Variants in RASA2 observed in about 807,000 individuals in gnomAD.
RASA2 encodes RAS p21 protein activator 2, also known as ras GTPase-activating protein 2.
Under a neutral mutation model 118.2 loss-of-function variants are expected in RASA2, and 155 were observed. The ratio of observed to expected loss-of-function variants is 1.31; its 90% CI spans 1.15 to 1.50. The LOEUF is 1.50. Among genes scored for constraint, RASA2 ranks in the 40% most tolerant of loss-of-function variants. The pLI is 0.00. For synonymous variants in RASA2, 353 were observed against 349.1 expected (o/e 1.01, Z -0.12); for missense variants, 1,016 against 1,009.6 (o/e 1.01, Z -0.09).
intron 15 of RASA2, among the ~76,000 whole-genome samples, chr3:141,579,911 C>T (rs141731513): frequency 0.011 from 1,694 of 151,072 alleles, 35 homozygotes; most frequent in African/African-American, 0.039. Flanking sequence ...CAAAAATTAG[C>T]CAGGTGTGGT....
chr3:141,518,482 CAAAAAAAAAAAAAAAAAAAAAAA>C (rs777543417), intron 3 of RASA2, among the ~76,000 whole-genome samples: 8 of 27,032 alleles, frequency 3.0e-4, no homozygotes, highest in African/African-American at 4.0e-4. Flanking sequence ...GACACCATCT[CAAAAAAAAAAAAAAAAAAAAAAA>C]AAAAAAAAAA....
chr3:141,611,900 C>G (rs1240584868), intron 23 of RASA2, among the ~76,000 whole-genome samples: 1 of 152,040 alleles, frequency 6.6e-6, no homozygotes, highest in African/African-American at 2.4e-5. Flanking sequence ...TATGAGATCC[C>G]AGACATTCTT....
intron 5 of RASA2, among the ~76,000 whole-genome samples, chr3:141,550,314 A>G (rs1402963854): frequency 6.6e-6 from 1 of 152,260 alleles, no homozygotes; most frequent in African/African-American, 2.4e-5. Context: ...CCTAATCATG[A>G]GTAAACATCA....
chr3:141,499,678 C>T (rs1276458821), intron 1 of RASA2, among the ~76,000 whole-genome samples: 6 of 152,176 alleles, frequency 3.9e-5, no homozygotes, highest in African/African-American at 1.2e-4. Flanking sequence ...CAGCTCACTG[C>T]AACCTCCACC....
At chr3:141,530,569 A>C (rs2082245625) in intron 4 of RASA2, among the ~76,000 whole-genome samples, 2 of 152,084 alleles carry the variant, frequency 1.3e-5, no homozygotes, top group Admixed American at 6.6e-5. Flanking sequence ...AAGAAGTTTT[A>C]ATTTGCCACT....
intron 1 of RASA2, among the ~76,000 whole-genome samples, chr3:141,497,971 A>G (rs975229940): frequency 1.3e-5 from 2 of 152,146 alleles, no homozygotes; most frequent in African/African-American, 2.4e-5. Context: ...ATTTTAATAC[A>G]TTGTTTCAGA....
chr3:141,592,532 A>G (rs1231077167), intron 19 of RASA2, among the ~76,000 whole-genome samples: 1 of 152,248 alleles, frequency 6.6e-6, no homozygotes, highest in Non-Finnish European at 1.5e-5. Flanking sequence ...TTATGTCTTA[A>G]TAGGGTAACT....
chr3:141,592,723 C>T (rs1170433431), intron 19 of RASA2, among the ~76,000 whole-genome samples: 2 of 151,610 alleles, frequency 1.3e-5, no homozygotes, highest in African/African-American at 4.9e-5. Context: ...GAGTTAGATA[C>T]TGGGAGTGAG....
At chr3:141,586,175 A>T (rs1166156820) in intron 18 of RASA2, 77 bp downstream of exon 18, 1 of 1,335,436 alleles carries the variant, frequency 7.5e-7, no homozygotes, top group Non-Finnish European at 1.0e-6. Context: ...TGGGTCTAAG[A>T]GTGAGGAGAT....
chr3:141,609,875 A>G lies in RASA2; in HGVS notation c.2330-2A>G, dbSNP rs1261985519. 8.4e-6 allele frequency: 13 copies of G among 1,550,044 alleles called. No individual in the cohort carries two copies. In the Admixed American group the frequency reaches 2.6e-4, roughly 31 times the overall value. Reference sequence around the variant, plus strand: ...AGAGATTTATTTTCCTGCTCTTTGTAGAGGCTTGTGGAACTATTGCAGTCT... The same window carrying G: ...AGAGATTTATTTTCCTGCTCTTTGTGGAGGCTTGTGGAACTATTGCAGTCT... On this transcript the variant is annotated splice_acceptor_variant, in intron 22 of 23. Transcript: ENST00000286364. LOFTEE classifies it high-confidence loss of function.
At chr3:141,513,995 A>G (rs1328433936) in intron 2 of RASA2, among the ~76,000 whole-genome samples, 1 of 152,198 alleles carries the variant, frequency 6.6e-6, no homozygotes, top group African/African-American at 2.4e-5. Flanking sequence ...AAGCTTTGCA[A>G]CATGAGGATG....
intron 5 of RASA2, among the ~76,000 whole-genome samples, chr3:141,541,588 A>T (rs974153871): frequency 6.6e-6 from 1 of 152,118 alleles, no homozygotes; most frequent in African/African-American, 2.4e-5. Context: ...AATACTTTTT[A>T]AAAATCTATA....
chr3:141,516,876 G>A (rs1038570779), intron 3 of RASA2, among the ~76,000 whole-genome samples: 8 of 151,818 alleles, frequency 5.3e-5, no homozygotes, highest in African/African-American at 1.9e-4. Flanking sequence ...CAGGTTAAGC[G>A]ATTTCTCCTG....
chr3:141,600,016 G>T (rs1011265399), intron 19 of RASA2, among the ~76,000 whole-genome samples: 1 of 152,146 alleles, frequency 6.6e-6, no homozygotes, highest in South Asian at 2.1e-4. Flanking sequence ...TAAGTGTGTG[G>T]AAGTTACTTA....
chr3:141,490,394 C>G (rs1352881664), intron 1 of RASA2, among the ~76,000 whole-genome samples: 1 of 150,320 alleles, frequency 6.7e-6, no homozygotes, highest in Admixed American at 6.6e-5. Flanking sequence ...GGGGCTTCCT[C>G]CTTTATGTAT....
rs1381868552 is a variant in RASA2 at position 141,529,779 on chromosome 3, G to A, written c.427G>A (p.Val143Ile). 2.5e-6 allele frequency: 4 copies of A among 1,609,648 alleles called. No homozygotes were observed. Among genetic ancestry groups the A allele is most frequent in the Non-Finnish European group, 3.4e-6 (4 of 1,176,478 alleles). Reference sequence around the variant, plus strand: ...AGAAACTTGGTTTTCATTACAGCCTGTTGACTCCAATTCAGAGGTTCAGGT... The same window carrying A: ...AGAAACTTGGTTTTCATTACAGCCTATTGACTCCAATTCAGAGGTTCAGGT... ...GKETWFSLQP[V>I]DSNSEVQGKV... The change falls in exon 4 of 24, where the codon GTT becomes ATT. Residue 143 changes from valine to isoleucine, a missense_variant. Transcript: ENST00000286364.
At chr3:141,491,756 TTAC>T (rs2081642032) in intron 1 of RASA2, among the ~76,000 whole-genome samples, 1 of 152,226 alleles carries the variant, frequency 6.6e-6, no homozygotes, top group African/African-American at 2.4e-5. Flanking sequence ...AATGCTCTGA[TTAC>T]TTATTATTAG....
At chr3:141,495,239 T>C (rs1005256280) in intron 1 of RASA2, among the ~76,000 whole-genome samples, 1 of 152,202 alleles carries the variant, frequency 6.6e-6, no homozygotes, top group African/African-American at 2.4e-5. Context: ...AGATACACAA[T>C]AGCTAAGCTA....
At chr3:141,553,721 A>C (rs2082606733) in intron 5 of RASA2, 136 bp from the exon 6 acceptor site, 1 of 1,391,468 alleles carries the variant, frequency 7.2e-7, no homozygotes, top group Non-Finnish European at 9.4e-7. Flanking sequence ...CCATATAGGT[A>C]GTATATAGCC....
Sources: gnomAD v4.1 joint callset for allele counts (sites outside exome capture counted in the v4.1 genomes callset) on GRCh38, gnomAD v4.1.1 for gene constraint, MANE v1.5 for transcripts, NCBI Gene and HGNC (gene_info 2026-07-23, HGNC 2026-07-21) for gene names.